Variants in SLIT3 observed in about 807,000 individuals in gnomAD.
SLIT3 encodes slit homolog 3 protein.
A neutral mutation model predicts 184.0 loss-of-function variants in SLIT3; 68 were observed. The ratio of observed to expected loss-of-function variants is 0.37; its 90% CI spans 0.30 to 0.45. The LOEUF is 0.45. Ranked by LOEUF, SLIT3 falls within the 20% of genes least tolerant of loss-of-function variation. The probability of loss-of-function intolerance (pLI) is 1.00; values close to 1 mark genes in which losing one functional copy is unlikely to be tolerated. For missense variants in SLIT3, 1,707 were observed against 2,026.0 expected, an observed-to-expected ratio of 0.84 and a Z score of 3.02; for synonymous variants, 831 against 828.6, an observed-to-expected ratio of 1.00 and a Z score of -0.05.
chr5:169,203,165 A>T (rs1360114750), intron 3 of SLIT3, among the ~76,000 whole-genome samples: 2 of 152,306 alleles, frequency 1.3e-5, no homozygotes, highest in East Asian at 3.9e-4. Flanking sequence ...TGCCCAGAAC[A>T]ATGCAGGGGA....
chr5:169,144,231 T>C (rs530725265), intron 4 of SLIT3, among the ~76,000 whole-genome samples: 1 of 152,236 alleles, frequency 6.6e-6, no homozygotes, highest in Non-Finnish European at 1.5e-5. Context: ...CTTGGGGTCC[T>C]TGTACATGTT....
At chr5:168,959,058 G>A (rs1161571431) in intron 4 of SLIT3, among the ~76,000 whole-genome samples, 2 of 152,246 alleles carry the variant, frequency 1.3e-5, no homozygotes, top group African/African-American at 4.8e-5. Flanking sequence ...CCTGGCAGAC[G>A]ACTCCAGTCA....
intron 4 of SLIT3, among the ~76,000 whole-genome samples, chr5:169,106,843 T>A (rs1031239026): frequency 6.6e-6 from 1 of 152,216 alleles, no homozygotes; most frequent in Non-Finnish European, 1.5e-5. Context: ...AGTCCTTCAG[T>A]TTTTGCAGAC....
chr5:168,962,277 T>G (rs915199842), intron 4 of SLIT3, among the ~76,000 whole-genome samples: 3 of 150,978 alleles, frequency 2.0e-5, no homozygotes, highest in Admixed American at 6.6e-5. Flanking sequence ...AGTGAAATTC[T>G]GCCTTGGAAA....
chr5:168,732,342 G>A (rs1225074410), intron 20 of SLIT3, among the ~76,000 whole-genome samples: 1 of 152,108 alleles, frequency 6.6e-6, no homozygotes, highest in Non-Finnish European at 1.5e-5. Flanking sequence ...AACATCCCAT[G>A]CTCATGGATT....
chr5:169,241,599 C>T (rs1013006033), intron 3 of SLIT3, among the ~76,000 whole-genome samples: 3 of 152,160 alleles, frequency 2.0e-5, no homozygotes, highest in South Asian at 4.1e-4. Context: ...TTATATAGAA[C>T]AAAAACTCAA....
intron 4 of SLIT3, among the ~76,000 whole-genome samples, chr5:169,061,825 C>T (rs1016265352): frequency 6.6e-6 from 1 of 152,140 alleles, no homozygotes; most frequent in African/African-American, 2.4e-5. Context: ...CAATCCCCTC[C>T]CCTCCAGCTG....
chr5:168,853,332 G>T (rs1421648108), intron 5 of SLIT3, among the ~76,000 whole-genome samples: 1 of 152,118 alleles, frequency 6.6e-6, no homozygotes, highest in Non-Finnish European at 1.5e-5. Flanking sequence ...ACTAAGGAGA[G>T]AAATTGCAAA....
chr5:169,072,464 T>C (rs6869485), intron 4 of SLIT3, among the ~76,000 whole-genome samples: 59,496 of 152,046 alleles, frequency 0.39, 12,465 homozygotes, highest in South Asian at 0.57. Flanking sequence ...ACTCTCACAT[T>C]ATTCATTCCA....
intron 20 of SLIT3, among the ~76,000 whole-genome samples, chr5:168,728,466 A>T (rs2113390167): frequency 6.6e-6 from 1 of 152,272 alleles, no homozygotes; most frequent in Non-Finnish European, 1.5e-5. Context: ...ATCCCAATCA[A>T]AAAGAATTCC....
chr5:169,172,921 A>G (rs1294709858), intron 4 of SLIT3, among the ~76,000 whole-genome samples: 1 of 152,198 alleles, frequency 6.6e-6, no homozygotes, highest in Non-Finnish European at 1.5e-5. Context: ...AAGTCTTTCT[A>G]ATAAATAAGA....
Position 168,745,741 on chromosome 5 carries a change from A to G in SLIT3, c.2270+2561T>C, listed in dbSNP as rs1261043966. On this transcript the variant is annotated intron_variant, in intron 20 of 35. Coordinates refer to ENST00000519560, the MANE Select transcript of SLIT3 (RefSeq NM_003062.4). ...CTCCAATTTTAAAAGAACTTCTACT[A>G]TGGGAAAATGATGTTAAACAGCATT... 3.3e-5 allele frequency among the ~76,000 whole-genome samples: 5 copies of G among 152,170 alleles called. No individual in the cohort carries two copies. In the East Asian group the frequency reaches 9.6e-4, roughly 29 times the overall value.
intron 8 of SLIT3, among the ~76,000 whole-genome samples, chr5:168,806,816 C>T (rs934107920): frequency 2.0e-5 from 3 of 152,188 alleles, no homozygotes; most frequent in African/African-American, 7.2e-5. Flanking sequence ...TCCGCCTGCT[C>T]TGTTATCCTG....
chr5:168,905,460 G>A (rs1761016910), intron 4 of SLIT3, among the ~76,000 whole-genome samples: 1 of 152,192 alleles, frequency 6.6e-6, no homozygotes, highest in Admixed American at 6.5e-5. Context: ...CAACAGTAGT[G>A]AAGTACGATC....
chr5:168,969,929 G>A (rs62377240), intron 4 of SLIT3, among the ~76,000 whole-genome samples: 6,032 of 152,182 alleles, frequency 0.04, 157 homozygotes, highest in Middle Eastern at 0.065. Flanking sequence ...CGCCTGTAAC[G>A]CCAGCACTTT....
chr5:168,675,336 G>A (rs1761373340), intron 32 of SLIT3, among the ~76,000 whole-genome samples: 1 of 152,176 alleles, frequency 6.6e-6, no homozygotes, highest in African/African-American at 2.4e-5. Flanking sequence ...GACTAACTCA[G>A]ATTTAGAAAT....
chr5:168,681,882 C>T (rs1324353785), intron 32 of SLIT3, among the ~76,000 whole-genome samples: 1 of 152,214 alleles, frequency 6.6e-6, no homozygotes, highest in Non-Finnish European at 1.5e-5. Context: ...GCACTTCCTC[C>T]AGTGTTATTT....
intron 5 of SLIT3, among the ~76,000 whole-genome samples, chr5:168,868,761 A>G (rs528155317): frequency 5.0e-5 from 7 of 141,112 alleles, no homozygotes; most frequent in East Asian, 3.9e-4. Context: ...AAAAAAAAAA[A>G]AAAAAGAAAA....
chr5:169,236,680 C>T (rs1765212575), intron 3 of SLIT3, among the ~76,000 whole-genome samples: 1 of 152,050 alleles, frequency 6.6e-6, no homozygotes, highest in Non-Finnish European at 1.5e-5. Flanking sequence ...CCATGTTAGC[C>T]AGGATGGTCT....
Sources: allele counts gnomAD v4.1 joint callset (sites outside exome capture counted in the v4.1 genomes callset), GRCh38; gene constraint gnomAD v4.1.1; transcripts MANE v1.5; gene names NCBI Gene and HGNC (gene_info 2026-07-23, HGNC 2026-07-21).